The following BCO2 variants were observed in gnomAD, a reference collection of about 807,000 sequenced individuals.
The protein encoded by BCO2 is beta-carotene oxygenase 2, also known as carotenoid-cleaving dioxygenase, mitochondrial.
In BCO2, 56 loss-of-function variants were observed where a neutral mutation model predicts 65.8. The observed-to-expected ratio is 0.85, with a 90% confidence interval of 0.69 to 1.06. The LOEUF is 1.06. Among genes scored for constraint, BCO2 ranks in the 50% least tolerant of loss-of-function variants. The probability of loss-of-function intolerance (pLI) is 0.00; values close to 1 mark genes in which losing one functional copy is unlikely to be tolerated. For synonymous variants in BCO2, 233 were observed against 242.3 expected (o/e 0.96, Z 0.36); for missense variants, 675 against 698.5 (o/e 0.97, Z 0.38).
chr11:112,205,729 G>T (rs1249833134), intron 8 of BCO2, among the ~76,000 whole-genome samples: 1 of 152,212 alleles, frequency 6.6e-6, no homozygotes, highest in Non-Finnish European at 1.5e-5. Context: ...AAGTAGCTGG[G>T]ATTACAGGTG....
At position 112,217,958 on chromosome 11, in the gene BCO2, T is replaced by G. The variant is rs1859734791; in HGVS notation, c.*84T>G. On this transcript the variant is annotated 3_prime_UTR_variant, in exon 12 of 12. Coordinates refer to ENST00000357685, the MANE Select transcript of BCO2 (RefSeq NM_031938.7). ...GACTGGAGAAATAAACACTGAGGAC[T>G]CCAAAAGGGGGGCAAGGAGGAAGAG... 5.1e-6 allele frequency: 5 copies of G among 974,090 alleles called. No homozygotes were observed. The highest frequency in any genetic ancestry group is 7.7e-6 in the Non-Finnish European group (5 of 647,296). The allele number at this position is 974,090 out of a possible 1,614,324, so 60.3% of individuals were successfully genotyped here.
At chr11:112,199,594 T>C (rs1204188359) in intron 5 of BCO2, 105 bp from the exon 6 acceptor site, 1 of 938,182 alleles carries the variant, frequency 1.1e-6, no homozygotes, top group Non-Finnish European at 1.6e-6. Context: ...GTCACACATA[T>C]TGCATAAATC....
At chr11:112,214,074 A>G (rs950077856) in intron 9 of BCO2, among the ~76,000 whole-genome samples, 6 of 152,152 alleles carry the variant, frequency 3.9e-5, no homozygotes, top group Non-Finnish European at 7.4e-5. Flanking sequence ...AAACAGAGAT[A>G]TGGAACTGTC....
chr11:112,212,405 G>A (rs1859535852), intron 8 of BCO2, among the ~76,000 whole-genome samples: 1 of 152,182 alleles, frequency 6.6e-6, no homozygotes, highest in South Asian at 2.1e-4. Flanking sequence ...GGAGCCCAAG[G>A]CAGGAGGACT....
Position 112,182,858 on chromosome 11 carries a change from G to A in BCO2, c.293+3376G>A, listed in dbSNP as rs142547861. 1,899 of 966,596 alleles carry A rather than the reference G, an allele frequency of 2.0e-3. 21 individuals carry two copies. The African/African-American group carries it at 0.024, about 12-fold the overall frequency. The allele number at this position is 966,596 out of a possible 1,614,324, so 59.9% of individuals were successfully genotyped here. On this transcript the variant is annotated intron_variant, in intron 2 of 11. Coordinates refer to ENST00000357685, the MANE Select transcript of BCO2 (RefSeq NM_031938.7). ...CCTAGAACTTATATATATATAAAAA[G>A]ATGCTCTGTTCTAATGTGGAAGGAG...
At chr11:112,188,224 A>T (rs1396522513) in intron 2 of BCO2, among the ~76,000 whole-genome samples, 1 of 152,230 alleles carries the variant, frequency 6.6e-6, no homozygotes. Flanking sequence ...AAGCATCACC[A>T]GCCAGCCAGT....
At chr11:112,194,431 G>T in intron 4 of BCO2, 2 of 478,318 alleles carry the variant, frequency 4.2e-6, no homozygotes, top group South Asian at 6.0e-5. Flanking sequence ...TTTATTCAGG[G>T]TGGTTTTGTT....
intron 4 of BCO2, 70 bp from the exon 5 acceptor site, chr11:112,194,583 T>A: frequency 1.1e-6 from 1 of 890,956 alleles, no homozygotes; most frequent in Non-Finnish European, 1.8e-6. Context: ...AAACATTAGA[T>A]ATTTCTACTA....
Position 112,215,155 on chromosome 11 carries a change from T to C in BCO2, c.1515+211T>C, listed in dbSNP as rs1036124343. On this transcript the variant is annotated intron_variant, in intron 10 of 11. Coordinates refer to ENST00000357685, the MANE Select transcript of BCO2 (RefSeq NM_031938.7). ...CCCCAGGCCCAGCAAAATAATTCTA[T>C]GTTTGATTTTGATGTTATTTTGGGA... The C allele has an allele frequency of 9.0e-6, 5 of 553,298 alleles. No homozygotes were observed. In the African/African-American group the frequency reaches 9.4e-5, roughly 10 times the overall value. 34.3% of individuals were successfully genotyped at this position (553,298 alleles called of 1,614,324 possible). A position where few individuals can be genotyped will look rare whatever the true frequency, so the allele number is the denominator to read the frequency against.
chr11:112,200,210 G>A (rs930886510), intron 6 of BCO2, among the ~76,000 whole-genome samples: 4 of 151,956 alleles, frequency 2.6e-5, no homozygotes, highest in South Asian at 4.1e-4. Context: ...TTTATTTTCT[G>A]TACTTTAAAT....
chr11:112,210,477 T>C (rs1859472552), intron 8 of BCO2, among the ~76,000 whole-genome samples: 1 of 152,222 alleles, frequency 6.6e-6, no homozygotes, highest in African/African-American at 2.4e-5. Flanking sequence ...TTCTTATTCA[T>C]AGGGTACAGA....
At chr11:112,185,294 A>G (rs542923647) in intron 2 of BCO2, among the ~76,000 whole-genome samples, 22 of 152,328 alleles carry the variant, frequency 1.4e-4, no homozygotes, top group African/African-American at 5.3e-4. Context: ...GATCTAATGT[A>G]TACTGCATTA....
At chr11:112,181,471 G>A (rs75649625) in intron 2 of BCO2, 151,315 of 680,702 alleles carry the variant, frequency 0.22, 20,219 homozygotes, top group Non-Finnish European at 0.28. Context: ...GTGAGCCACC[G>A]CGCCCGGCCG....
chr11:112,198,146 G>GA (rs1867631526), intron 5 of BCO2, among the ~76,000 whole-genome samples: 1 of 152,064 alleles, frequency 6.6e-6, no homozygotes, highest in Non-Finnish European at 1.5e-5. Context: ...TGATTTAAAA[G>GA]AAAAACAACA....
intron 2 of BCO2, 188 bp downstream of exon 2, chr11:112,179,670 T>C (rs1866978593): frequency 3.3e-6 from 2 of 609,034 alleles, no homozygotes; most frequent in Non-Finnish European, 2.8e-6. Context: ...CTTTTTCTGC[T>C]CTGTAGACTA....
intron 5 of BCO2, among the ~76,000 whole-genome samples, chr11:112,196,021 C>T (rs887356932): frequency 2.0e-5 from 3 of 152,168 alleles, no homozygotes; most frequent in Admixed American, 2.0e-4. Flanking sequence ...ATACAAACTC[C>T]TGGAGAGTCT....
rs748490595 is a variant in BCO2, at chr11:112,179,229, T to C, written c.89-49T>C. The C allele has an allele frequency of 5.1e-6, 8 of 1,559,556 alleles. No individual in the cohort carries two copies. In the South Asian group the frequency reaches 6.7e-5, roughly 13 times the overall value. On this transcript the variant is annotated intron_variant, in intron 1 of 11. Transcript: ENST00000357685. ...TGTCTGTGGGAAACAGGCAAGTTTA[T>C]AGAAGATTTGGTAAAATATTTTTTG...
intron 2 of BCO2, among the ~76,000 whole-genome samples, chr11:112,188,090 G>T (rs1412386641): frequency 1.3e-5 from 2 of 152,064 alleles, no homozygotes; most frequent in African/African-American, 4.8e-5. Flanking sequence ...CTCTAGACCT[G>T]TGTTTTGCCA....
chr11:112,186,310 G>T (rs1457687472), intron 2 of BCO2, among the ~76,000 whole-genome samples: 1 of 152,246 alleles, frequency 6.6e-6, no homozygotes, highest in Non-Finnish European at 1.5e-5. Flanking sequence ...CTTTGTGGGA[G>T]AAGTGGATGG....
Sources: allele counts gnomAD v4.1 joint callset (sites outside exome capture counted in the v4.1 genomes callset), GRCh38; gene constraint gnomAD v4.1.1; transcripts MANE v1.5; gene names NCBI Gene and HGNC (gene_info 2026-07-23, HGNC 2026-07-21).